Variants in ARHGAP15 observed in about 807,000 individuals in gnomAD.
ARHGAP15 encodes the protein Rho GTPase activating protein 15.
Under a neutral mutation model 63.7 loss-of-function variants are expected in ARHGAP15, and 51 were observed. The ratio of observed to expected loss-of-function variants is 0.80; its 90% CI spans 0.64 to 1.01. The LOEUF (loss-of-function observed/expected upper bound fraction) is 1.01, where lower values mean the gene tolerates loss of function less well. ARHGAP15 is among the 50% of genes least tolerant of loss of function. The pLI is 0.00. For missense variants in ARHGAP15, 560 were observed against 564.6 expected (o/e 0.99, Z 0.08); for synonymous variants, 191 against 193.8 (o/e 0.99, Z 0.12).
At chr2:143,747,653 C>T (rs1175375084) in intron 13 of ARHGAP15, among the ~76,000 whole-genome samples, 2 of 152,132 alleles carry the variant, frequency 1.3e-5, no homozygotes, top group African/African-American at 4.8e-5. Context: ...TTTAGATTGG[C>T]CTCTTTCACC....
intron 13 of ARHGAP15, among the ~76,000 whole-genome samples, chr2:143,755,279 G>C (rs1172924225): frequency 6.6e-6 from 1 of 150,480 alleles, no homozygotes; most frequent in Non-Finnish European, 1.5e-5. Flanking sequence ...ATATATGGGG[G>C]GGGGGGATCT....
rs537879004 is a variant in ARHGAP15, at chr2:143,326,266, T to C, written c.474+75666T>C. Reference sequence around the variant, plus strand: ...TGTTATATATTCTTTCCAGTAATCCTGTGAGTAAACAACAACATTTGATTT... The same window carrying C: ...TGTTATATATTCTTTCCAGTAATCCCGTGAGTAAACAACAACATTTGATTT... On this transcript the variant is annotated intron_variant, in intron 6 of 13. Coordinates refer to ENST00000295095, the MANE Select transcript of ARHGAP15 (RefSeq NM_018460.4). 2.3e-3 allele frequency among the ~76,000 whole-genome samples: 345 copies of C among 152,298 alleles called. 4 individuals are homozygous for C. The highest frequency in any genetic ancestry group is 7.9e-3 in the African/African-American group (329 of 41,578).
Position 143,437,139 on chromosome 2 carries a change from A to G in ARHGAP15, c.703+97A>G, listed in dbSNP as rs1574448493. 6.0e-6 allele frequency: 8 copies of G among 1,342,006 alleles called. No individual in the cohort carries two copies. In the East Asian group the frequency reaches 2.0e-4, roughly 33 times the overall value. The allele number at this position is 1,342,006 out of a possible 1,614,324, so 83.1% of individuals were successfully genotyped here. On this transcript the variant is annotated intron_variant, in intron 8 of 13. Transcript: ENST00000295095. ...AAATGAGATTTAAGCCAAACTCATC[A>G]TACTCATGGAAGATTCGTAGCCATT...
In ARHGAP15 at chr2:143,418,499, G is replaced by T. The variant is rs527921104; in HGVS notation, c.475-17102G>T. Among the ~76,000 whole-genome samples the T allele has an allele frequency of 1.4e-3, 219 of 152,076 alleles. 1 individual carries two copies. The highest frequency in any genetic ancestry group is 5.2e-3 in the African/African-American group (214 of 41,486). On this transcript the variant is annotated intron_variant, in intron 6 of 13. Transcript: ENST00000295095. ...CTTACTAGTTTTAAATTTTTTGTTC[G>T]TCCCAAATTAATATAGATATAATAT...
chr2:143,503,532 A>C (rs1164238339), intron 9 of ARHGAP15, among the ~76,000 whole-genome samples: 1 of 152,262 alleles, frequency 6.6e-6, no homozygotes, highest in Non-Finnish European at 1.5e-5. Flanking sequence ...AATGTTTTAT[A>C]AAAAGCAAGT....
intron 9 of ARHGAP15, among the ~76,000 whole-genome samples, chr2:143,488,960 T>G (rs1692449116): frequency 6.6e-6 from 1 of 152,224 alleles, no homozygotes. Flanking sequence ...CTCTACAGAT[T>G]CAACTTCACT....
chr2:143,300,295 G>A (rs1048441423), intron 6 of ARHGAP15, among the ~76,000 whole-genome samples: 1 of 151,970 alleles, frequency 6.6e-6, no homozygotes, highest in Non-Finnish European at 1.5e-5. Flanking sequence ...CTCAGGATCA[G>A]GTGTGGCCTT....
At position 143,380,194 on chromosome 2, in the gene ARHGAP15, C is replaced by T. The variant is rs1432149888; in HGVS notation, c.475-55407C>T. On this transcript the variant is annotated intron_variant, in intron 6 of 13. Coordinates refer to ENST00000295095, the MANE Select transcript of ARHGAP15 (RefSeq NM_018460.4). ...TACTCTGCTTCTTATTAGTCTCCTA[C>T]TTAATCTACTATTTGAAGTAATAAT... Among the ~76,000 whole-genome samples the T allele has an allele frequency of 3.3e-5, 5 of 152,126 alleles. No homozygotes were observed. In the East Asian group the frequency reaches 9.6e-4, roughly 29 times the overall value.
intron 2 of ARHGAP15, among the ~76,000 whole-genome samples, chr2:143,176,124 G>A (rs1558794934): frequency 6.6e-6 from 1 of 152,138 alleles, no homozygotes; most frequent in Non-Finnish European, 1.5e-5. Flanking sequence ...TTGGTCATGT[G>A]AGGAAGAGAG....
intron 6 of ARHGAP15, among the ~76,000 whole-genome samples, chr2:143,364,724 G>T (rs1188428618): frequency 6.6e-6 from 1 of 152,158 alleles, no homozygotes; most frequent in Non-Finnish European, 1.5e-5. Context: ...CAGAGTACAT[G>T]TACTAATTTA....
intron 6 of ARHGAP15, among the ~76,000 whole-genome samples, chr2:143,374,024 CA>C (rs1197989023): frequency 6.6e-6 from 1 of 152,146 alleles, no homozygotes; most frequent in Non-Finnish European, 1.5e-5. Flanking sequence ...AGGTCTATAA[CA>C]ACAAATCCCA....
intron 11 of ARHGAP15, among the ~76,000 whole-genome samples, chr2:143,605,897 A>G (rs1412279199): frequency 1.4e-5 from 2 of 146,998 alleles, no homozygotes; most frequent in Non-Finnish European, 3.0e-5. Flanking sequence ...TTAGCCAGGC[A>G]TAGCGGCGTT....
At chr2:143,362,690 C>T in intron 6 of ARHGAP15, among the ~76,000 whole-genome samples, 1 of 152,130 alleles carries the variant, frequency 6.6e-6, no homozygotes, top group South Asian at 2.1e-4. Context: ...CTGTTTCTCT[C>T]TTGTTATTTC....
At chr2:143,431,182 A>G (rs1689374380) in intron 6 of ARHGAP15, among the ~76,000 whole-genome samples, 1 of 152,080 alleles carries the variant, frequency 6.6e-6, no homozygotes, top group South Asian at 2.1e-4. Context: ...TCCAAATTTC[A>G]TAACTGAAAC....
chr2:143,325,402 A>C (rs907934058), intron 6 of ARHGAP15, among the ~76,000 whole-genome samples: 1 of 152,116 alleles, frequency 6.6e-6, no homozygotes, highest in Non-Finnish European at 1.5e-5. Flanking sequence ...TCATTTTAGT[A>C]CAATTGTTTT....
At chr2:143,621,569 T>G (rs1391487905) in intron 11 of ARHGAP15, among the ~76,000 whole-genome samples, 1 of 152,216 alleles carries the variant, frequency 6.6e-6, no homozygotes. Flanking sequence ...AAATACTCTT[T>G]CCAACTATTT....
At chr2:143,687,100 A>T (rs551845442) in intron 12 of ARHGAP15, among the ~76,000 whole-genome samples, 1 of 152,208 alleles carries the variant, frequency 6.6e-6, no homozygotes, top group Non-Finnish European at 1.5e-5. Context: ...TAGGGATATG[A>T]ATCAGCTGGG....
chr2:143,449,189 C>T (rs1690283181), intron 8 of ARHGAP15, among the ~76,000 whole-genome samples: 2 of 152,044 alleles, frequency 1.3e-5, no homozygotes, highest in South Asian at 2.1e-4. Flanking sequence ...AAAAAGTCAA[C>T]AGTCCCAGCC....
chr2:143,539,238 T>G (rs1043966327), intron 10 of ARHGAP15, among the ~76,000 whole-genome samples: 3 of 152,226 alleles, frequency 2.0e-5, no homozygotes, highest in African/African-American at 7.2e-5. Context: ...CCCTTTGTCA[T>G]TTTTTATTGC....
Sources: gnomAD v4.1 joint callset for allele counts (sites outside exome capture counted in the v4.1 genomes callset) on GRCh38, gnomAD v4.1.1 for gene constraint, MANE v1.5 for transcripts, NCBI Gene and HGNC (gene_info 2026-07-23, HGNC 2026-07-21) for gene names.